Variants in DYM observed in about 807,000 individuals in gnomAD.
DYM encodes the protein dymeclin, also known as dyggve-Melchior-Clausen syndrome protein.
In DYM, 78 loss-of-function variants were observed where a neutral mutation model predicts 93.1. That is an observed-to-expected ratio of 0.84 (90% CI 0.70 to 1.01). The LOEUF (loss-of-function observed/expected upper bound fraction) is 1.01, where lower values mean the gene tolerates loss of function less well. Ranked by LOEUF, DYM falls within the 50% of genes least tolerant of loss-of-function variation. The pLI, the probability that DYM is intolerant of heterozygous loss-of-function variation, is 0.00. For missense variants in DYM, 789 were observed against 845.0 expected, an observed-to-expected ratio of 0.93 and a Z score of 0.82; for synonymous variants, 321 against 319.7, an observed-to-expected ratio of 1.00 and a Z score of -0.04.
At chr18:49,208,524 C>T (rs545836976) in intron 14 of DYM, 1 of 152,196 alleles carries the variant, frequency 6.6e-6, no homozygotes, top group Non-Finnish European at 1.5e-5. Context: ...CATCACGAGT[C>T]TATAAAATCT....
At chr18:49,456,380 A>C (rs1277183677) in intron 1 of DYM, among the ~76,000 whole-genome samples, 1 of 152,210 alleles carries the variant, frequency 6.6e-6, no homozygotes, top group Non-Finnish European at 1.5e-5. Flanking sequence ...AGGGTTTTCA[A>C]AGTATTCTGG....
At chr18:49,078,446 G>C (rs1472515916) in intron 17 of DYM, among the ~76,000 whole-genome samples, 1 of 151,748 alleles carries the variant, frequency 6.6e-6, no homozygotes, top group Non-Finnish European at 1.5e-5. Context: ...CAACCATACA[G>C]GGCCATATCC....
At chr18:49,258,855 G>GAGATAGCAC (rs1400250647) in intron 11 of DYM, among the ~76,000 whole-genome samples, 2,731 of 101,582 alleles carry the variant, frequency 0.027, 125 homozygotes, top group African/African-American at 0.099. Context: ...GAGAGAGAGA[G>GAGATAGCAC]AGAGAGAGAG....
At chr18:49,401,803 A>G (rs947132868) in intron 2 of DYM, among the ~76,000 whole-genome samples, 2 of 152,108 alleles carry the variant, frequency 1.3e-5, no homozygotes, top group African/African-American at 4.8e-5. Flanking sequence ...AAGCGGGTGG[A>G]TCACCTGAAA....
At chr18:49,151,289 T>G (rs1346458258) in intron 15 of DYM, among the ~76,000 whole-genome samples, 1 of 152,222 alleles carries the variant, frequency 6.6e-6, no homozygotes, top group East Asian at 1.9e-4. Flanking sequence ...ATTCTTCTCA[T>G]GAATTTGTCA....
chr18:49,050,038 G>A (rs2072182672), intron 17 of DYM, among the ~76,000 whole-genome samples: 1 of 151,042 alleles, frequency 6.6e-6, no homozygotes. Context: ...TGGCCCTGGA[G>A]TGGGTTTATG....
At chr18:49,143,487 T>C (rs1349761633) in intron 15 of DYM, among the ~76,000 whole-genome samples, 1 of 152,198 alleles carries the variant, frequency 6.6e-6, no homozygotes, top group Non-Finnish European at 1.5e-5. Flanking sequence ...GTACTTTCGA[T>C]GCAGTATTTA....
chr18:49,256,730 C>A (rs1352496465), intron 13 of DYM, among the ~76,000 whole-genome samples: 1 of 152,128 alleles, frequency 6.6e-6, no homozygotes, highest in Non-Finnish European at 1.5e-5. Flanking sequence ...ATTTAATTTG[C>A]ATTACTAAGA....
At chr18:49,203,244 CCT>C (rs1265412345) in intron 14 of DYM, among the ~76,000 whole-genome samples, 2 of 61,990 alleles carry the variant, frequency 3.2e-5, no homozygotes, top group Non-Finnish European at 4.2e-5. Context: ...GTCAGCCCCC[CCT>C]GCCCGGCCAG....
At position 49,111,664 on chromosome 18, in the gene DYM, C is replaced by T. The variant is rs144044074; in HGVS notation, c.1911+7080G>A. On this transcript the variant is annotated intron_variant, in intron 16 of 17. Transcript: ENST00000675505. Reference sequence around the variant, plus strand: ...ATCTGAAGTGCCACAGGTTTTTCAACGTTCATGCTCCACGTTCTGCTTTCA... The same window carrying T: ...ATCTGAAGTGCCACAGGTTTTTCAATGTTCATGCTCCACGTTCTGCTTTCA... 2.5e-4 allele frequency among the ~76,000 whole-genome samples: 38 copies of T among 152,272 alleles called. No individual in the cohort carries two copies. In the South Asian group the frequency reaches 5.8e-3, roughly 23 times the overall value.
At chr18:49,327,674 T>A (rs1006259093) in intron 8 of DYM, among the ~76,000 whole-genome samples, 2 of 152,170 alleles carry the variant, frequency 1.3e-5, no homozygotes, top group Admixed American at 1.3e-4. Flanking sequence ...TATACATCTT[T>A]GAAATTTTCT....
intron 14 of DYM, among the ~76,000 whole-genome samples, chr18:49,200,464 GC>G (rs1429878672): frequency 2.6e-5 from 4 of 151,306 alleles, no homozygotes; most frequent in African/African-American, 9.7e-5. Context: ...CAGTATAGAA[GC>G]TTATATTCTT....
Position 49,099,249 on chromosome 18 carries a change from G to A in DYM, c.1912-1734C>T, listed in dbSNP as rs185914892. Among the ~76,000 whole-genome samples the A allele has an allele frequency of 4.6e-5, 7 of 151,904 alleles. No individual in the cohort carries two copies. In the East Asian group the frequency reaches 1.4e-3, roughly 29 times the overall value. ...TGCTGAAAGCTGATATTTCACTACT[G>A]GATTTTTGTTTTGTTTATAGCAGTA... On this transcript the variant is annotated intron_variant, in intron 16 of 17. Transcript: ENST00000675505.
At chr18:49,297,228 CTTAAA>C (rs1187718950) in intron 8 of DYM, among the ~76,000 whole-genome samples, 1 of 152,068 alleles carries the variant, frequency 6.6e-6, no homozygotes, top group African/African-American at 2.4e-5. Context: ...ATATACTGTA[CTTAAA>C]TTATTTAATA....
intron 17 of DYM, among the ~76,000 whole-genome samples, chr18:49,085,792 G>C (rs2078467152): frequency 6.6e-6 from 1 of 151,926 alleles, no homozygotes; most frequent in Non-Finnish European, 1.5e-5. Flanking sequence ...ATTTTTAGTA[G>C]AGACGGGGTT....
At chr18:49,072,081 G>A (rs989565967) in intron 17 of DYM, among the ~76,000 whole-genome samples, 13 of 152,144 alleles carry the variant, frequency 8.5e-5, no homozygotes, top group African/African-American at 2.9e-4. Flanking sequence ...GATTCAGTAC[G>A]TCAGAATATT....
chr18:49,344,479 T>C (rs1054290508), intron 6 of DYM, among the ~76,000 whole-genome samples: 6 of 152,006 alleles, frequency 3.9e-5, no homozygotes, highest in Non-Finnish European at 7.4e-5. Flanking sequence ...CGAATAAAAA[T>C]ACAAGATTTA....
Position 49,210,310 on chromosome 18 carries a change from G to T in DYM, c.1461-595C>A, listed in dbSNP as rs1187895975. ...CTGCCCAAACTTGAAAGCAACCAAG[G>T]TATTCTTTAGTAGATGAATAAATAA... On this transcript the variant is annotated intron_variant, in intron 13 of 17. Transcript: ENST00000675505. Among the ~76,000 whole-genome samples the T allele has an allele frequency of 8.5e-5, 13 of 152,186 alleles. No homozygotes were observed. The East Asian group carries it at 2.1e-3, about 25-fold the overall frequency.
chr18:49,433,871 TTAAA>T (rs921271841), intron 1 of DYM, among the ~76,000 whole-genome samples: 1 of 150,616 alleles, frequency 6.6e-6, no homozygotes, highest in African/African-American at 2.4e-5. Context: ...CTGTCTCAAA[TTAAA>T]TAAATAAGGA....
Sources: allele counts gnomAD v4.1 joint callset (sites outside exome capture counted in the v4.1 genomes callset), GRCh38; gene constraint gnomAD v4.1.1; transcripts MANE v1.5; gene names NCBI Gene and HGNC (gene_info 2026-07-23, HGNC 2026-07-21).